Variants in GRIN2B observed in about 807,000 individuals in gnomAD.
The protein encoded by GRIN2B is glutamate ionotropic receptor NMDA type subunit 2B.
A neutral mutation model predicts 114.5 loss-of-function variants in GRIN2B; 5 were observed. That is an observed-to-expected ratio of 0.04 (90% confidence interval 0.02 to 0.09). GRIN2B has a LOEUF of 0.09. GRIN2B is among the 10% of genes least tolerant of loss of function. The pLI, the probability that GRIN2B is intolerant of heterozygous loss-of-function variation, is 1.00. For synonymous variants in GRIN2B, 787 were observed against 745.1 expected (o/e 1.06, Z -0.92); for missense variants, 1,108 against 1,943.5 (o/e 0.57, Z 8.08).
chr12:13,690,744 T>C (rs1950209922), intron 4 of GRIN2B, among the ~76,000 whole-genome samples: 1 of 152,214 alleles, frequency 6.6e-6, no homozygotes, highest in Non-Finnish European at 1.5e-5. Context: ...TCTTTGTTTC[T>C]GAAATATTTT....
At chr12:13,907,125 TA>T (rs66669873) in intron 2 of GRIN2B, among the ~76,000 whole-genome samples, 1 of 151,916 alleles carries the variant, frequency 6.6e-6, no homozygotes, top group African/African-American at 2.4e-5. Context: ...GCAATCTAGA[TA>T]AAAAAAGTCT....
chr12:13,924,017 G>C (rs1866871210), intron 2 of GRIN2B, among the ~76,000 whole-genome samples: 1 of 152,156 alleles, frequency 6.6e-6, no homozygotes, highest in Non-Finnish European at 1.5e-5. Flanking sequence ...GTTTTGGAGA[G>C]AATGAAGATT....
At chr12:13,724,155 G>A (rs538819622) in intron 4 of GRIN2B, among the ~76,000 whole-genome samples, 1 of 152,236 alleles carries the variant, frequency 6.6e-6, no homozygotes, top group East Asian at 1.9e-4. Flanking sequence ...CTCTCATTCT[G>A]ACTCCTGTCC....
chr12:13,697,093 C>T (rs553486738), intron 4 of GRIN2B, among the ~76,000 whole-genome samples: 6 of 152,150 alleles, frequency 3.9e-5, no homozygotes, highest in Admixed American at 2.0e-4. Flanking sequence ...TCAGGCCCTG[C>T]TTGATGAGGT....
At chr12:13,656,182 G>A (rs1273050359) in intron 5 of GRIN2B, among the ~76,000 whole-genome samples, 1 of 152,154 alleles carries the variant, frequency 6.6e-6, no homozygotes, top group Non-Finnish European at 1.5e-5. Context: ...ATATGATTCA[G>A]TTCCTGAATA....
At chr12:13,773,785 A>T (rs764219465) in intron 3 of GRIN2B, among the ~76,000 whole-genome samples, 11 of 152,164 alleles carry the variant, frequency 7.2e-5, no homozygotes, top group Admixed American at 2.6e-4. Flanking sequence ...ACAGTGGGGA[A>T]TTTGAGAAAG....
chr12:13,702,506 T>C (rs972839429), intron 4 of GRIN2B, among the ~76,000 whole-genome samples: 3 of 152,188 alleles, frequency 2.0e-5, no homozygotes, highest in Non-Finnish European at 4.4e-5. Flanking sequence ...GGATTGAAAC[T>C]GTGATAAGCG....
chr12:13,860,752 T>C (rs2136740597), intron 3 of GRIN2B, among the ~76,000 whole-genome samples: 1 of 152,356 alleles, frequency 6.6e-6, no homozygotes, highest in Admixed American at 6.5e-5. Context: ...TGCTACACCC[T>C]GATCAACATG....
intron 2 of GRIN2B, among the ~76,000 whole-genome samples, chr12:13,873,344 T>C (rs1468438942): frequency 1.3e-5 from 2 of 152,196 alleles, no homozygotes; most frequent in African/African-American, 4.8e-5. Flanking sequence ...TACTTTTCAA[T>C]ATCACTATTA....
At chr12:13,957,505 G>C (rs968344200) in intron 2 of GRIN2B, among the ~76,000 whole-genome samples, 1 of 152,138 alleles carries the variant, frequency 6.6e-6, no homozygotes, top group African/African-American at 2.4e-5. Context: ...GATGGAGAAG[G>C]CTAATGCTAT....
At chr12:13,863,432 G>C (rs1442008269) in intron 3 of GRIN2B, among the ~76,000 whole-genome samples, 1 of 152,208 alleles carries the variant, frequency 6.6e-6, no homozygotes, top group Non-Finnish European at 1.5e-5. Context: ...AGAGACAAGA[G>C]AGTACACAGC....
chr12:13,723,027 G>C (rs575375623), intron 4 of GRIN2B, among the ~76,000 whole-genome samples: 6 of 151,990 alleles, frequency 3.9e-5, no homozygotes, highest in African/African-American at 1.4e-4. Flanking sequence ...TCCTTCACTC[G>C]TGTCCAGGAA....
chr12:13,948,753 G>C (rs1867415060), intron 2 of GRIN2B, among the ~76,000 whole-genome samples: 1 of 152,116 alleles, frequency 6.6e-6, no homozygotes, highest in African/African-American at 2.4e-5. Flanking sequence ...TTACTTTTGA[G>C]TAAAGACTCA....
chr12:13,593,585 T>C (rs1949036271), intron 10 of GRIN2B, among the ~76,000 whole-genome samples: 1 of 152,086 alleles, frequency 6.6e-6, no homozygotes, highest in African/African-American at 2.4e-5. Context: ...CCAAAAACCA[T>C]AAAAACCCTA....
chr12:13,957,468 T>A (rs1016772277), intron 2 of GRIN2B, among the ~76,000 whole-genome samples: 2 of 152,134 alleles, frequency 1.3e-5, no homozygotes, highest in Non-Finnish European at 2.9e-5. Context: ...CTCATCTTCA[T>A]CTCATTGGTA....
At chr12:13,932,432 G>A (rs1379189520) in intron 2 of GRIN2B, among the ~76,000 whole-genome samples, 2 of 152,132 alleles carry the variant, frequency 1.3e-5, no homozygotes, top group Admixed American at 1.3e-4. Context: ...CTACAACAGG[G>A]CTTTTGTCCA....
chr12:13,719,137 G>T (rs1950485934), intron 4 of GRIN2B, among the ~76,000 whole-genome samples: 1 of 151,834 alleles, frequency 6.6e-6, no homozygotes. Flanking sequence ...CAGGGGCCAG[G>T]GGATGACCTA....
At chr12:13,876,991 T>C (rs999215320) in intron 2 of GRIN2B, among the ~76,000 whole-genome samples, 1 of 152,236 alleles carries the variant, frequency 6.6e-6, no homozygotes, top group Non-Finnish European at 1.5e-5. Flanking sequence ...AGGGTTATTA[T>C]AACAGAAGGG....
Position 13,829,486 on chromosome 12 carries a change from G to A in GRIN2B, c.411+36312C>T, listed in dbSNP as rs777952130. On this transcript the variant is annotated intron_variant, in intron 3 of 13. Coordinates refer to ENST00000609686, the MANE Select transcript of GRIN2B (RefSeq NM_000834.5). The stretch of plus-strand genomic sequence containing the variant: ...ATGGTGCGGGAATTGAGCCCTTAAC[G>A]TTGCCACTGCCCTGTCTTTCTAATT... 1.6e-3 allele frequency among the ~76,000 whole-genome samples: 244 copies of A among 152,252 alleles called. 2 individuals are homozygous for A. The highest frequency in any genetic ancestry group is 2.7e-3 in the Non-Finnish European group (186 of 68,008).
Sources: gnomAD v4.1 joint callset for allele counts (sites outside exome capture counted in the v4.1 genomes callset) on GRCh38, gnomAD v4.1.1 for gene constraint, MANE v1.5 for transcripts, NCBI Gene and HGNC (gene_info 2026-07-23, HGNC 2026-07-21) for gene names.